The following CELSR1 variants were observed in gnomAD, a reference collection of about 807,000 sequenced individuals.
CELSR1 encodes adhesion G protein-coupled receptor C1.
In CELSR1, 110 loss-of-function variants were observed where a neutral mutation model predicts 249.1. That is an observed-to-expected ratio of 0.44 (90% CI 0.38 to 0.52). CELSR1 has a LOEUF of 0.52. Ranked by LOEUF, CELSR1 falls within the 20% of genes least tolerant of loss-of-function variation. The probability of loss-of-function intolerance (pLI) is 0.00; values close to 1 mark genes in which losing one functional copy is unlikely to be tolerated. For synonymous variants in CELSR1, 2,113 were observed against 1,900.0 expected, an observed-to-expected ratio of 1.11 and a Z score of -2.92; for missense variants, 4,109 against 4,296.4, an observed-to-expected ratio of 0.96 and a Z score of 1.22.
chr22:46,460,191 A>ACC (rs1309749909), intron 2 of CELSR1, among the ~76,000 whole-genome samples: 1 of 96,010 alleles, frequency 1.0e-5, no homozygotes, highest in African/African-American at 4.2e-5. Context: ...ACACACACAC[A>ACC]CACACACACA....
At position 46,518,875 on chromosome 22, in the gene CELSR1, A is replaced by C. The variant is rs1336221662; in HGVS notation, c.3544+14752T>G. Reference sequence around the variant, plus strand: ...TGGAGAAATCCCGTCTCTACTAAAAATACAAAAATTAGCTGGACGTGGTGG... The same window carrying C: ...TGGAGAAATCCCGTCTCTACTAAAACTACAAAAATTAGCTGGACGTGGTGG... On this transcript the variant is annotated intron_variant, in intron 1 of 34. Coordinates refer to ENST00000674500, the MANE Select transcript of CELSR1 (RefSeq NM_001378328.1). This position sits in a 1 kb window ranked among gnomAD's most constrained non-coding sequence, Gnocchi z 5.2. 1.3e-5 allele frequency among the ~76,000 whole-genome samples: 2 copies of C among 152,194 alleles called. No homozygotes were observed. Among genetic ancestry groups the C allele is most frequent in the Non-Finnish European group, 2.9e-5 (2 of 68,028 alleles).
At position 46,410,420 on chromosome 22, in the gene CELSR1, G is replaced by A. The variant is rs371907278; in HGVS notation, c.4911C>T (p.Ile1637=). ...DGKNVDMAGF[I]ANNGTREGCA... ...TACCTTCCCGGGTGCCATTGTTGGC[G>A]ATGAATCCGGCCATGTCCACATTTT... Residue 1637 remains isoleucine, a synonymous_variant, in exon 7 of 35, where the codon ATC becomes ATT. Coordinates refer to ENST00000674500, the MANE Select transcript of CELSR1 (RefSeq NM_001378328.1). This position sits in a 1 kb window ranked among gnomAD's most constrained non-coding sequence, Gnocchi z 6.8. 271 of 1,613,860 alleles carry A rather than the reference G, an allele frequency of 1.7e-4. 1 individual carries two copies. Among genetic ancestry groups the A allele is most frequent in the Admixed American group, 1.1e-3 (65 of 60,014 alleles).
rs189168797 is a variant in CELSR1, at chr22:46,474,727, C to A, written c.3545-10382G>T. Among the ~76,000 whole-genome samples, 209 of 74,010 alleles carry A rather than the reference C, an allele frequency of 2.8e-3. 1 individual carries two copies. Among genetic ancestry groups the A allele is most frequent in the African/African-American group, 8.9e-3 (184 of 20,630 alleles). The allele number at this position is 74,010 out of a possible 152,430, so 48.6% of individuals were successfully genotyped here. A position where few individuals can be genotyped will look rare whatever the true frequency, so the allele number is the denominator to read the frequency against. ...TACTCTTTGACCAATCTCTCCCCAA[C>A]CCCCTCTTCCTCCTTCCTCACCTCC... On this transcript the variant is annotated intron_variant, in intron 1 of 34. Transcript: ENST00000674500.
At chr22:46,453,481 A>G (rs1329559146) in intron 2 of CELSR1, among the ~76,000 whole-genome samples, 1 of 152,184 alleles carries the variant, frequency 6.6e-6, no homozygotes. Context: ...TCATTAATAC[A>G]AAGTCTACCC....
chr22:46,487,184 T>C (rs922667218), intron 1 of CELSR1, among the ~76,000 whole-genome samples: 4 of 152,244 alleles, frequency 2.6e-5, no homozygotes, highest in African/African-American at 9.6e-5. Context: ...TATTGCATGA[T>C]TAAGAGATGA....
chr22:46,463,584 G>T, intron 2 of CELSR1, 123 bp downstream of exon 2: 3 of 1,082,918 alleles, frequency 2.8e-6, no homozygotes, highest in Non-Finnish European at 3.8e-6. Context: ...CCCACACCTG[G>T]GCCCAGCGCC....
At position 46,409,701 on chromosome 22, in the gene CELSR1, G is replaced by C; in HGVS notation, c.5059+54C>G. 6.2e-7 allele frequency: 1 copy of C among 1,603,590 alleles called. No homozygotes were observed. The highest frequency in any genetic ancestry group is 2.2e-5 in the East Asian group (1 of 44,822). On this transcript the variant is annotated intron_variant, in intron 8 of 34. Transcript: ENST00000674500. This position sits in a 1 kb window ranked among gnomAD's most constrained non-coding sequence, Gnocchi z 9.8. Reference sequence around the variant, plus strand: ...ACGGTGGTCCCGGGCACATCAAGGAGCAATGCCTCCCAGGCCGCCGTGACC... The same window carrying C: ...ACGGTGGTCCCGGGCACATCAAGGACCAATGCCTCCCAGGCCGCCGTGACC...
chr22:46,463,681 A>G (rs2080059280), intron 2 of CELSR1, 26 bp downstream of exon 2: 1 of 1,496,986 alleles, frequency 6.7e-7, no homozygotes, highest in Admixed American at 2.4e-5. Context: ...CATGTACACA[A>G]AGCCAGGGTG....
rs1341678744 is a variant in CELSR1 at position 46,390,967 on chromosome 22, C to T, written c.6250+219G>A. Among the ~76,000 whole-genome samples the T allele has an allele frequency of 2.6e-5, 4 of 152,234 alleles. No homozygotes were observed. Among genetic ancestry groups the T allele is most frequent in the African/African-American group, 7.2e-5 (3 of 41,450 alleles). ...GCAGGGACTGGCCGGGCCTGACTGG[C>T]GGGCGTCCCCACACGCGCTGCACTG... On this transcript the variant is annotated intron_variant, in intron 16 of 34. Coordinates refer to ENST00000674500, the MANE Select transcript of CELSR1 (RefSeq NM_001378328.1). This position sits in a 1 kb window ranked among gnomAD's most constrained non-coding sequence, Gnocchi z 6.3.
In CELSR1 at chr22:46,526,332, C is replaced by T. The variant is rs1010856705; in HGVS notation, c.3544+7295G>A. Reference sequence around the variant, plus strand: ...AAGCCCCTGAGACGGGCCAGTGCCACGCTAGGCTGCAGGACAGCTAGGTGC... The same window carrying T: ...AAGCCCCTGAGACGGGCCAGTGCCATGCTAGGCTGCAGGACAGCTAGGTGC... On this transcript the variant is annotated intron_variant, in intron 1 of 34. Coordinates refer to ENST00000674500, the MANE Select transcript of CELSR1 (RefSeq NM_001378328.1). This position sits in a 1 kb window ranked among gnomAD's most constrained non-coding sequence, Gnocchi z 4.7. Among the ~76,000 whole-genome samples, 2 of 152,224 alleles carry T rather than the reference C, an allele frequency of 1.3e-5. No homozygotes were observed. Among genetic ancestry groups the T allele is most frequent in the East Asian group, 1.9e-4 (1 of 5,196 alleles).
chr22:46,455,347 A>G (rs2079935620), intron 2 of CELSR1, among the ~76,000 whole-genome samples: 2 of 152,124 alleles, frequency 1.3e-5, no homozygotes, highest in Non-Finnish European at 2.9e-5. Flanking sequence ...CTCCTGCCTC[A>G]GTCTCCCAAG....
At chr22:46,523,015 G>C (rs2147796688) in intron 1 of CELSR1, among the ~76,000 whole-genome samples, 1 of 152,344 alleles carries the variant, frequency 6.6e-6, no homozygotes. Context: ...ACTTCATTCT[G>C]ATGATGAAAA....
At chr22:46,516,811 G>A (rs991737371) in intron 1 of CELSR1, among the ~76,000 whole-genome samples, 3 of 152,318 alleles carry the variant, frequency 2.0e-5, no homozygotes, top group African/African-American at 7.2e-5. Context: ...CCTATGTTGT[G>A]CCAGGCAGGA....
intron 1 of CELSR1, among the ~76,000 whole-genome samples, chr22:46,523,549 A>AATAAATAAATAC (rs1254125457): frequency 1.3e-5 from 2 of 151,300 alleles, no homozygotes; most frequent in Non-Finnish European, 2.9e-5. Flanking sequence ...TAAATAAATA[A>AATAAATAAATAC]ATAAATAAAT....
rs556344390 is a variant in CELSR1, at chr22:46,463,761, G to A, written c.4129C>T (p.Arg1377Cys). Residue 1377 changes from arginine to cysteine, a missense_variant, in exon 2 of 35, where the codon CGC becomes TGC. This residue lies in a region of CELSR1 where 453 missense variants were observed against 492.0 expected (regional missense o/e 0.92). Coordinates refer to ENST00000674500, the MANE Select transcript of CELSR1 (RefSeq NM_001378328.1). ...CYSDPCGANG[R>C]CRSREGGYTC... Reference sequence around the variant, plus strand: ...TAGCCGCCCTCGCGGCTGCGGCAGCGGCCGTTGGCGCCGCACGGGTCGGAG... The same window carrying A: ...TAGCCGCCCTCGCGGCTGCGGCAGCAGCCGTTGGCGCCGCACGGGTCGGAG... 31 of 1,548,636 alleles carry A rather than the reference G, an allele frequency of 2.0e-5. 1 individual carries two copies. In the South Asian group the frequency reaches 2.1e-4, roughly 11 times the overall value.
In CELSR1 at chr22:46,398,804, G is replaced by A. The variant is rs899865261; in HGVS notation, c.5413-167C>T. Reference sequence around the variant, plus strand: ...AGAGAGCTGGGCCCAGCTGGACAGCGAGGCTGGCTGTGATGACCAGGGCGA... The same window carrying A: ...AGAGAGCTGGGCCCAGCTGGACAGCAAGGCTGGCTGTGATGACCAGGGCGA... On this transcript the variant is annotated intron_variant, in intron 10 of 34. Coordinates refer to ENST00000674500, the MANE Select transcript of CELSR1 (RefSeq NM_001378328.1). This position sits in a 1 kb window ranked among gnomAD's most constrained non-coding sequence, Gnocchi z 7.2. 4.6e-5 allele frequency among the ~76,000 whole-genome samples: 7 copies of A among 152,224 alleles called. No homozygotes were observed. Among genetic ancestry groups the A allele is most frequent in the East Asian group, 1.9e-4 (1 of 5,192 alleles).
chr22:46,498,481 A>T (rs2080436499), intron 1 of CELSR1, among the ~76,000 whole-genome samples: 2 of 150,282 alleles, frequency 1.3e-5, no homozygotes, highest in African/African-American at 4.9e-5. Flanking sequence ...GCGTGGTGGC[A>T]GGGGGCCTGT....
intron 1 of CELSR1, chr22:46,530,218 G>A (rs1288294357): frequency 6.6e-6 from 1 of 152,198 alleles, no homozygotes; most frequent in Non-Finnish European, 1.5e-5. Flanking sequence ...GACATGAATC[G>A]TGATCATGCC....
chr22:46,372,878 C>G lies in CELSR1; in HGVS notation c.7759+5G>C, dbSNP rs1430090866. ...TTTATGCAGGGCCACTCTGTGCATC[C>G]TCACCTGTGACAATGGCCGGGATGC... On this transcript the variant is annotated splice_donor_5th_base_variant and intron_variant, in intron 25 of 34. Transcript: ENST00000674500. 6.2e-7 allele frequency: 1 copy of G among 1,601,762 alleles called. No individual in the cohort carries two copies.
Sources: allele counts gnomAD v4.1 joint callset (sites outside exome capture counted in the v4.1 genomes callset), GRCh38; gene constraint gnomAD v4.1.1; regional missense constraint gnomAD v4.1.1; non-coding constraint Gnocchi (gnomAD v3.1); transcripts MANE v1.5; gene names NCBI Gene and HGNC (gene_info 2026-07-23, HGNC 2026-07-21).